SUMF1: variants seen among roughly 807,000 people sequenced by gnomAD.
The protein encoded by SUMF1 is sulfatase modifying factor 1.
Under a neutral mutation model 47.6 loss-of-function variants are expected in SUMF1, and 48 were observed. The observed-to-expected ratio is 1.01, with a 90% CI of 0.80 to 1.28. SUMF1 has a LOEUF of 1.28. SUMF1 is among the 50% of genes most tolerant of loss of function. The probability of loss-of-function intolerance (pLI) is 0.00; values close to 1 mark genes in which losing one functional copy is unlikely to be tolerated. For synonymous variants in SUMF1, 230 were observed against 192.1 expected (o/e 1.20, Z -1.63); for missense variants, 571 against 485.4 (o/e 1.18, Z -1.66).
intron 8 of SUMF1, among the ~76,000 whole-genome samples, chr3:4,154,976 C>G (rs1257169445): frequency 2.0e-5 from 3 of 151,452 alleles, no homozygotes; most frequent in Non-Finnish European, 4.4e-5. Flanking sequence ...TGGGGCTCAG[C>G]AGAGAAAGGA....
chr3:4,053,168 G>A (rs1201201795), intron 9 of SUMF1, among the ~76,000 whole-genome samples: 1 of 152,072 alleles, frequency 6.6e-6, no homozygotes, highest in Non-Finnish European at 1.5e-5. Flanking sequence ...TTTCAATATT[G>A]TTGTGTCTCA....
chr3:4,431,240 G>A lies in SUMF1; in HGVS notation c.520-11094C>T, dbSNP rs958739096. The stretch of plus-strand genomic sequence containing the variant: ...AGCCAAGCTTTAAGTCAAAGCCACA[G>A]ACCGGATTGAGAACCTGCCTTCCCA... On this transcript the variant is annotated intron_variant, in intron 3 of 8. Transcript: ENST00000272902. Among the ~76,000 whole-genome samples, 17 of 152,216 alleles carry A rather than the reference G, an allele frequency of 1.1e-4. 2 individuals carry two copies. Among genetic ancestry groups the A allele is most frequent in the Admixed American group, 9.2e-4 (14 of 15,292 alleles).
chr3:4,097,398 C>T (rs1692929825), intron 8 of SUMF1, among the ~76,000 whole-genome samples: 1 of 151,836 alleles, frequency 6.6e-6, no homozygotes, highest in African/African-American at 2.4e-5. Context: ...ACTAAAAAGA[C>T]AAAAATTAGC....
intron 3 of SUMF1, among the ~76,000 whole-genome samples, chr3:4,433,166 G>A (rs1411714512): frequency 2.6e-5 from 4 of 152,126 alleles, no homozygotes; most frequent in South Asian, 4.1e-4. Context: ...AGAGGCCGAC[G>A]ATACAGAGTC....
chr3:4,146,517 C>A (rs912821948), intron 8 of SUMF1, among the ~76,000 whole-genome samples: 1 of 151,912 alleles, frequency 6.6e-6, no homozygotes, highest in Non-Finnish European at 1.5e-5. Flanking sequence ...ATAGATAGCA[C>A]CAAGACTCTT....
chr3:4,431,614 G>A (rs993770971), intron 3 of SUMF1, among the ~76,000 whole-genome samples: 1 of 152,168 alleles, frequency 6.6e-6, no homozygotes, highest in African/African-American at 2.4e-5. Context: ...TGAGACAAGA[G>A]CTTGGGACCC....
chr3:4,139,793 C>T (rs1282875551), intron 8 of SUMF1, among the ~76,000 whole-genome samples: 1 of 151,828 alleles, frequency 6.6e-6, no homozygotes, highest in African/African-American at 2.4e-5. Flanking sequence ...CCCCTTTACA[C>T]TTCCAGGATC....
chr3:4,387,432 G>A (rs1296315403), intron 7 of SUMF1, among the ~76,000 whole-genome samples: 1 of 151,840 alleles, frequency 6.6e-6, no homozygotes, highest in Non-Finnish European at 1.5e-5. Flanking sequence ...TACAGAGTTT[G>A]CACTGATATC....
At chr3:4,387,879 C>T (rs1361727515) in intron 7 of SUMF1, among the ~76,000 whole-genome samples, 1 of 151,890 alleles carries the variant, frequency 6.6e-6, no homozygotes, top group East Asian at 1.9e-4. Context: ...TGGAGATTTT[C>T]CTATTATATT....
At position 4,467,260 on chromosome 3, in the gene SUMF1, CAT is replaced by C; in HGVS notation, c.-17_-16del. On this transcript the variant is annotated 5_prime_UTR_variant, in exon 1 of 9. It removes an upstream start codon present in the reference 5' UTR. Transcript: ENST00000272902. Reference sequence around the variant, plus strand: ...GGCGCAGCCATGTTGTCCCGCGGGCCATGTGACCCGGTTGGTCACGTGGCTGA... The same window carrying C: ...GGCGCAGCCATGTTGTCCCGCGGGCCGTGACCCGGTTGGTCACGTGGCTGA... The C allele has an allele frequency of 6.2e-7, 1 of 1,604,636 alleles. No homozygotes were observed. Among genetic ancestry groups the C allele is most frequent in the Non-Finnish European group, 8.5e-7 (1 of 1,176,194 alleles).
intron 8 of SUMF1, among the ~76,000 whole-genome samples, chr3:4,188,739 TA>T (rs1353817048): frequency 6.6e-6 from 1 of 152,112 alleles, no homozygotes; most frequent in African/African-American, 2.4e-5. Flanking sequence ...TCCTTGTCTA[TA>T]AAATGGGGAT....
intron 8 of SUMF1, among the ~76,000 whole-genome samples, chr3:4,225,845 T>A (rs755207119): frequency 9.2e-5 from 14 of 152,064 alleles, no homozygotes; most frequent in Non-Finnish European, 1.8e-4. Context: ...ATCAAAATGG[T>A]TGAATAACCC....
intron 8 of SUMF1, among the ~76,000 whole-genome samples, chr3:4,371,533 G>C (rs1700167545): frequency 6.6e-6 from 1 of 152,192 alleles, no homozygotes; most frequent in African/African-American, 2.4e-5. Flanking sequence ...CAACAGAACA[G>C]AGGTCTCAAT....
At chr3:4,129,147 C>T (rs978682548) in intron 8 of SUMF1, among the ~76,000 whole-genome samples, 2 of 152,038 alleles carry the variant, frequency 1.3e-5, no homozygotes, top group Non-Finnish European at 2.9e-5. Context: ...TTTGAAGAGC[C>T]CTGTAATTGC....
intron 3 of SUMF1, among the ~76,000 whole-genome samples, chr3:4,440,550 C>T (rs774815477): frequency 2.6e-5 from 4 of 152,166 alleles, no homozygotes; most frequent in Non-Finnish European, 5.9e-5. Flanking sequence ...TAAATAACAG[C>T]GGGTCAGACT....
chr3:4,436,805 A>G (rs181029157), intron 3 of SUMF1, among the ~76,000 whole-genome samples: 8 of 151,834 alleles, frequency 5.3e-5, no homozygotes, highest in African/African-American at 1.9e-4. Context: ...CACCTAGAAT[A>G]ATAAAGACAG....
At chr3:4,077,525 A>C (rs1574862454) in intron 8 of SUMF1, among the ~76,000 whole-genome samples, 1 of 152,150 alleles carries the variant, frequency 6.6e-6, no homozygotes, top group Non-Finnish European at 1.5e-5. Flanking sequence ...ATGAAGCTGG[A>C]AACCATCATT....
At chr3:4,317,040 C>T in intron 8 of SUMF1, 6 of 1,549,360 alleles carry the variant, frequency 3.9e-6, no homozygotes, top group East Asian at 2.4e-5. Flanking sequence ...ACCGTATTCA[C>T]CTGACCTCTT....
At chr3:4,131,445 C>T (rs763285657) in intron 8 of SUMF1, among the ~76,000 whole-genome samples, 1 of 152,164 alleles carries the variant, frequency 6.6e-6, no homozygotes, top group Non-Finnish European at 1.5e-5. Context: ...AAGCACCACC[C>T]AAAAGTGGAC....
Sources: allele counts gnomAD v4.1 joint callset (sites outside exome capture counted in the v4.1 genomes callset), GRCh38; gene constraint gnomAD v4.1.1; transcripts MANE v1.5; gene names NCBI Gene and HGNC (gene_info 2026-07-23, HGNC 2026-07-21).